USP35: variants seen among roughly 807,000 people sequenced by gnomAD.
USP35 encodes the protein ubiquitin specific peptidase 35.
A neutral mutation model predicts 83.8 loss-of-function variants in USP35; 69 were observed. The observed-to-expected ratio is 0.82, with a 90% CI of 0.68 to 1.01. The LOEUF is 1.01. Ranked by LOEUF, USP35 falls within the 50% of genes least tolerant of loss-of-function variation. The pLI, the probability that USP35 is intolerant of heterozygous loss-of-function variation, is 0.00. For synonymous variants in USP35, 714 were observed against 589.5 expected (o/e 1.21, Z -3.06); for missense variants, 1,503 against 1,362.5 (o/e 1.10, Z -1.62).
rs759676983 is a variant in USP35, at chr11:78,213,802, C to T, written c.3046C>T (p.Leu1016=). 3.2e-6 allele frequency: 5 copies of T among 1,553,632 alleles called. No individual in the cohort carries two copies. In the South Asian group the frequency reaches 6.2e-5, roughly 19 times the overall value. Residue 1016 remains leucine (L), a synonymous_variant, in exon 11 of 11, where the codon CTG becomes TTG. Coordinates refer to ENST00000529308, the MANE Select transcript of USP35 (RefSeq NM_020798.4). ...TGGCAATGGTGGTGACTTCCACAGA[C>T]TGGTCTTCTAATGTGAACCTGCTGC... ...AGGNGGDFHR[L]VF is the part of the protein sequence containing the mutation.
chr11:78,188,930 C>T lies in USP35; in HGVS notation c.-238C>T, dbSNP rs1388395290. On this transcript the variant is annotated 5_prime_UTR_variant, in exon 1 of 11. Coordinates refer to ENST00000529308, the MANE Select transcript of USP35 (RefSeq NM_020798.4). ...ATGCTTCATCCCGCAGCCCCGGGGCCGCGCCGCAGAGTCGGGCTTCCTGGA... is the reference window on the plus strand; with the variant it reads ...ATGCTTCATCCCGCAGCCCCGGGGCTGCGCCGCAGAGTCGGGCTTCCTGGA... 1.0e-6 allele frequency: 1 copy of T among 985,660 alleles called. No homozygotes were observed. The highest frequency in any genetic ancestry group is 1.2e-6 in the Non-Finnish European group (1 of 830,096). 61.1% of individuals were successfully genotyped at this position (985,660 alleles called of 1,614,324 possible). A position where few individuals can be genotyped will look rare whatever the true frequency, so the allele number is the denominator to read the frequency against.
chr11:78,225,605 T>G, the USP35 span, among the ~76,000 whole-genome samples: 1 of 152,252 alleles, frequency 6.6e-6, no homozygotes, highest in East Asian at 1.9e-4. Flanking sequence ...ACATGTTTTA[T>G]GTATGTCTTT....
chr11:78,191,002 G>A (rs1258908323), intron 1 of USP35, among the ~76,000 whole-genome samples: 1 of 152,226 alleles, frequency 6.6e-6, no homozygotes, highest in Non-Finnish European at 1.5e-5. Context: ...GGGCTGGAGA[G>A]TGTTGAGAGT....
At position 78,214,666 on chromosome 11, in the gene USP35, AC is replaced by A. The variant is rs1864021527; in HGVS notation, c.*854del. The stretch of plus-strand genomic sequence containing the variant: ...CTTCTAACTTCTAACCGAAGACAAG[AC>A]AGACACCCATGTTCATAAATAAATA... On this transcript the variant is annotated 3_prime_UTR_variant, in exon 11 of 11. Transcript: ENST00000529308. 1 of 151,598 alleles carries A rather than the reference AC, an allele frequency of 6.6e-6. No individual in the cohort carries two copies. The allele number at this position is 151,598 out of a possible 1,614,324, so 9.4% of individuals were successfully genotyped here.
At chr11:78,206,124 T>C in intron 7 of USP35, 89 bp downstream of exon 7, 3 of 1,473,048 alleles carry the variant, frequency 2.0e-6, no homozygotes, top group Non-Finnish European at 1.9e-6. Flanking sequence ...GGGGTGGGGG[T>C]TGGAGAGGGT....
chr11:78,214,119 C>G lies in USP35; in HGVS notation c.*306C>G, dbSNP rs1245059804. On this transcript the variant is annotated 3_prime_UTR_variant, in exon 11 of 11. Coordinates refer to ENST00000529308, the MANE Select transcript of USP35 (RefSeq NM_020798.4). ...TAGCAGGCTCCCCATGCGGGAAGAT[C>G]TGATGATGTTCAGGAAACAGGCTAG... is the stretch of plus-strand genomic sequence containing the variant. The G allele has an allele frequency of 6.7e-6, 2 of 298,996 alleles. No homozygotes were observed. The highest frequency in any genetic ancestry group is 1.5e-4 in the East Asian group (2 of 13,588). 18.5% of individuals were successfully genotyped at this position (298,996 alleles called of 1,614,324 possible). A position where few individuals can be genotyped will look rare whatever the true frequency, so the allele number is the denominator to read the frequency against.
At position 78,213,904 on chromosome 11, in the gene USP35, A is replaced by T; in HGVS notation, c.*91A>T. The T allele has an allele frequency of 6.9e-7, 1 of 1,440,336 alleles. No individual in the cohort carries two copies. Among genetic ancestry groups the T allele is most frequent in the Non-Finnish European group, 9.2e-7 (1 of 1,084,472 alleles). 89.2% of individuals were successfully genotyped at this position (1,440,336 alleles called of 1,614,324 possible). On this transcript the variant is annotated 3_prime_UTR_variant, in exon 11 of 11. Coordinates refer to ENST00000529308, the MANE Select transcript of USP35 (RefSeq NM_020798.4). ...GAGGCAGGCCCTACCAAGAGGAAGG[A>T]TGGTACAGCTCATGGCACCTTAGTC...
the USP35 span, chr11:78,226,620 G>GGGGGGGGGGGGGCCC: frequency 2.0e-6 from 3 of 1,500,506 alleles, no homozygotes; most frequent in Non-Finnish European, 2.8e-6. Flanking sequence ...GCGGGGTGGG[G>GGGGGGGGGGGGGCCC]GAGCTATGGC....
chr11:78,205,859 T>C lies in USP35; in HGVS notation c.1215T>C (p.Asn405=), dbSNP rs758341518. The C allele has an allele frequency of 6.2e-7, 1 of 1,613,676 alleles. No homozygotes were observed. The highest frequency in any genetic ancestry group is 1.1e-5 in the South Asian group (1 of 91,038). The change falls in exon 7 of 11, where the codon AAT becomes AAC. Residue 405 remains asparagine (N), a synonymous_variant. Coordinates refer to ENST00000529308, the MANE Select transcript of USP35 (RefSeq NM_020798.4). ...MEAIKDLHVP[N]EDRIKQLLGQ... ...CTCCTCAGGACCTCCATGTTCCCAA[T>C]GAGGACCGCATCAAGCAGCTGCTGG...
At chr11:78,193,176 G>C (rs1259456857) in intron 1 of USP35, among the ~76,000 whole-genome samples, 1 of 152,072 alleles carries the variant, frequency 6.6e-6, no homozygotes, top group Non-Finnish European at 1.5e-5. Context: ...GGGCTGAAGG[G>C]AGAGTTAAAA....
At chr11:78,190,347 G>A (rs1273008575) in intron 1 of USP35, among the ~76,000 whole-genome samples, 2 of 152,156 alleles carry the variant, frequency 1.3e-5, no homozygotes, top group Admixed American at 6.5e-5. Flanking sequence ...CCTCTGTAGG[G>A]GCTTTCTTGA....
rs1416968062 is a variant in USP35 at position 78,200,242 on chromosome 11, C to T, written c.1038+8C>T. On this transcript the variant is annotated splice_region_variant and intron_variant, in intron 5 of 10. Coordinates refer to ENST00000529308, the MANE Select transcript of USP35 (RefSeq NM_020798.4). ...CACGAAGCCTTCCACCTGGTAAGGT[C>T]CCCTGCCTGCTGCCCCTGGTGAGGC... 5.0e-6 allele frequency: 8 copies of T among 1,613,460 alleles called. No individual in the cohort carries two copies. The highest frequency in any genetic ancestry group is 1.7e-5 in the Admixed American group (1 of 59,994).
chr11:78,200,820 T>G lies in USP35; in HGVS notation c.1197+12T>G, dbSNP rs998571798. 4 of 1,593,308 alleles carry G rather than the reference T, an allele frequency of 2.5e-6. No individual in the cohort carries two copies. The highest frequency in any genetic ancestry group is 3.4e-6 in the Non-Finnish European group (4 of 1,165,960). ...TGGAGGCCATCAAGGTGAGCGACAGTCCCCTACTTGGGCCTTGCCCCACTC... is the reference window on the plus strand; with the variant it reads ...TGGAGGCCATCAAGGTGAGCGACAGGCCCCTACTTGGGCCTTGCCCCACTC... On this transcript the variant is annotated intron_variant, in intron 6 of 10. Transcript: ENST00000529308.
chr11:78,226,054 T>A, the USP35 span, among the ~76,000 whole-genome samples: 1 of 152,266 alleles, frequency 6.6e-6, no homozygotes, highest in African/African-American at 2.4e-5. Context: ...AGACCTCGTT[T>A]TGCTTTAGCA....
intron 10 of USP35, 57 bp from the exon 11 acceptor site, chr11:78,213,589 A>T: frequency 2.1e-6 from 3 of 1,432,512 alleles, no homozygotes; most frequent in South Asian, 1.7e-5. Context: ...GGGTAGACTC[A>T]CTCTGGCTTC....
At chr11:78,221,696 T>C in the USP35 span, 1 of 1,612,494 alleles carries the variant, frequency 6.2e-7, no homozygotes, top group Non-Finnish European at 8.5e-7. Context: ...ATAGTTCTCT[T>C]CGCTGTCTCC....
rs1863209161 is a variant in USP35 at position 78,198,038 on chromosome 11, C to T, written c.776C>T (p.Thr259Ile). The change falls in exon 3 of 11, where the codon ACA (threonine) becomes ATA (isoleucine). Residue 259 changes from threonine (T) to isoleucine (I), a missense_variant. Coordinates refer to ENST00000529308, the MANE Select transcript of USP35 (RefSeq NM_020798.4). ...AACCTCAGCAATGATGACAGTGTGA[C>T]AGACTCGCAGATGCTGACTGCCATT... ...VRNLSNDDSV[T>I]DSQMLTAISR... is the part of the protein sequence containing the mutation. 1.2e-6 allele frequency: 2 copies of T among 1,614,122 alleles called. No homozygotes were observed. Among genetic ancestry groups the T allele is most frequent in the Non-Finnish European group, 1.7e-6 (2 of 1,180,050 alleles).
intron 10 of USP35, among the ~76,000 whole-genome samples, chr11:78,212,871 C>T (rs767178688): frequency 3.9e-4 from 59 of 152,042 alleles, no homozygotes; most frequent in Admixed American, 2.6e-4. Context: ...AGGAGGAGTA[C>T]AGGGACCAGT....
At chr11:78,222,021 C>A in the USP35 span, 3 of 899,278 alleles carry the variant, frequency 3.3e-6, no homozygotes, top group Admixed American at 5.2e-5. Context: ...ATCCAGCTGT[C>A]CCGGCCCACA....
Sources: gnomAD v4.1 joint callset for allele counts (sites outside exome capture counted in the v4.1 genomes callset) on GRCh38, gnomAD v4.1.1 for gene constraint, MANE v1.5 for transcripts, NCBI Gene and HGNC (gene_info 2026-07-23, HGNC 2026-07-21) for gene names.